CLN6: variants seen among roughly 807,000 people sequenced by gnomAD.
CLN6 encodes the protein ceroid-lipofuscinosis neuronal protein 6.
CLN6 carries 22 observed loss-of-function variants against 33.3 expected under a neutral mutation model. The observed-to-expected ratio is 0.66, with a 90% CI of 0.47 to 0.94. The LOEUF (loss-of-function observed/expected upper bound fraction) is 0.94. Ranked by LOEUF, CLN6 falls within the 40% of genes least tolerant of loss-of-function variation. The pLI is 0.00. For synonymous variants in CLN6, 201 were observed against 174.6 expected (o/e 1.15, Z -1.19); for missense variants, 387 against 417.1 (o/e 0.93, Z 0.63).
chr15:68,254,693 C>T, intron 1 of CLN6: 1 of 742,954 alleles, frequency 1.3e-6, no homozygotes, highest in South Asian at 1.4e-5. Flanking sequence ...GAAGGACAAA[C>T]CACAGAGAAG....
chr15:68,251,874 A>G (rs763044018), intron 1 of CLN6, among the ~76,000 whole-genome samples: 7 of 152,206 alleles, frequency 4.6e-5, no homozygotes, highest in Non-Finnish European at 8.8e-5. Flanking sequence ...TTAACTGCAA[A>G]AATGCAAAAC....
At chr15:68,223,089 C>T (rs927284580) in intron 1 of CLN6, among the ~76,000 whole-genome samples, 1 of 151,862 alleles carries the variant, frequency 6.6e-6, no homozygotes, top group Non-Finnish European at 1.5e-5. Context: ...CCTGCCACAT[C>T]CCCCTCTCTG....
chr15:68,243,275 G>C (rs554322155), intron 1 of CLN6, among the ~76,000 whole-genome samples: 1 of 152,250 alleles, frequency 6.6e-6, no homozygotes, highest in Admixed American at 6.5e-5. Context: ...TTTTTCCTTA[G>C]GTTAAAACAC....
At chr15:68,251,106 CAA>C (rs1362101232) in intron 1 of CLN6, among the ~76,000 whole-genome samples, 2 of 152,014 alleles carry the variant, frequency 1.3e-5, no homozygotes, top group Admixed American at 6.6e-5. Flanking sequence ...TGGATTTATC[CAA>C]AGAGTATAAG....
At chr15:68,255,667 T>C (rs1892427176) in intron 1 of CLN6, among the ~76,000 whole-genome samples, 1 of 152,240 alleles carries the variant, frequency 6.6e-6, no homozygotes. Context: ...TGAAATGCCA[T>C]GATTGTTTAT....
chr15:68,229,685 T>C lies in CLN6; in HGVS notation c.-101A>G, dbSNP rs555985698. 15 of 986,840 alleles carry C rather than the reference T, an allele frequency of 1.5e-5. No homozygotes were observed. The African/African-American group carries it at 1.7e-4, about 11-fold the overall frequency. The allele number at this position is 986,840 out of a possible 1,614,324, so 61.1% of individuals were successfully genotyped here. On this transcript the variant is annotated 5_prime_UTR_variant, in exon 1 of 7. Transcript: ENST00000249806. ...GCCGCAAATTCCCAGCGCGGGGCGG[T>C]TCGGGGCGGGCCGGCGAGAGCGCGC...
intron 1 of CLN6, among the ~76,000 whole-genome samples, chr15:68,224,161 G>A (rs1011992277): frequency 4.0e-5 from 6 of 149,740 alleles, no homozygotes; most frequent in African/African-American, 1.5e-4. Flanking sequence ...AGCTACTCAG[G>A]AGGCAGAAAC....
At chr15:68,213,462 G>C (rs1043736669) in intron 3 of CLN6, 2 of 151,790 alleles carry the variant, frequency 1.3e-5, no homozygotes, top group African/African-American at 2.4e-5. Context: ...GGCTGGTCTC[G>C]AACTCCTGAC....
chr15:68,248,222 T>A (rs1029390176), intron 1 of CLN6: 1 of 151,366 alleles, frequency 6.6e-6, no homozygotes. Context: ...GTGCCAAGAA[T>A]ATACAATGGG....
chr15:68,237,901 G>T lies in CLN6; in HGVS notation c.179+18789C>A, dbSNP rs541629954. ...GCACTTTGGGCGGCCGAGGCGGGGG[G>T]ATCACAAGGTCAGGAGTTCGAGACC... On this transcript the variant is annotated intron_variant, in intron 1 of 6. Coordinates refer to the CLN6 transcript ENST00000538696. 2.4e-4 allele frequency among the ~76,000 whole-genome samples: 36 copies of T among 152,188 alleles called. No homozygotes were observed. The East Asian group carries it at 7.0e-3, about 30-fold the overall frequency.
At chr15:68,229,744 CGGGGCGGGGCGGAGCGGAG>C, upstream of CLN6, 5 of 349,044 alleles carry the variant, frequency 1.4e-5, no homozygotes, top group Non-Finnish European at 2.3e-5. Context: ...GCTGCGGACC[CGGGGCGGGGCGGAGCGGAG>C]CGGAGCGGAG....
intron 1 of CLN6, among the ~76,000 whole-genome samples, chr15:68,249,069 T>A (rs1226966399): frequency 7.9e-5 from 12 of 152,210 alleles, no homozygotes; most frequent in Admixed American, 7.9e-4. Flanking sequence ...AGGTATTTTT[T>A]AAAATGCTCA....
chr15:68,251,322 G>A (rs1295677272), intron 1 of CLN6, among the ~76,000 whole-genome samples: 2 of 152,116 alleles, frequency 1.3e-5, no homozygotes, highest in Non-Finnish European at 2.9e-5. Flanking sequence ...TTTTTAAAAA[G>A]CCTATAATCT....
rs867310047 is a variant in CLN6, at chr15:68,236,975, G to A, written c.180-18325C>T. On this transcript the variant is annotated intron_variant, in intron 1 of 6. Coordinates refer to the CLN6 transcript ENST00000538696. The surrounding 1 kb of genome is among the most constrained non-coding windows in gnomAD (Gnocchi z 4.5). Reference sequence around the variant, plus strand: ...GATCGAGACCATCCTGGCTAACAAGGTGAAACCCCGTCTCTACTAAAAATA... The same window carrying A: ...GATCGAGACCATCCTGGCTAACAAGATGAAACCCCGTCTCTACTAAAAATA... Among the ~76,000 whole-genome samples, 1 of 150,610 alleles carries A rather than the reference G, an allele frequency of 6.6e-6. No homozygotes were observed. Among genetic ancestry groups the A allele is most frequent in the African/African-American group, 2.4e-5 (1 of 40,834 alleles).
At position 68,209,638 on chromosome 15, in the gene CLN6, A is replaced by G. The variant is rs1251507101; in HGVS notation, c.664T>C (p.Trp222Arg). 1 of 1,612,602 alleles carries G rather than the reference A, an allele frequency of 6.2e-7. No homozygotes were observed. Among genetic ancestry groups the G allele is most frequent in the Admixed American group, 1.7e-5 (1 of 60,020 alleles). The change falls in exon 6 of 7, where the codon TGG becomes CGG. Residue 222 changes from tryptophan to arginine, a missense_variant and splice_region_variant. By Grantham distance (101) the Trp-to-Arg change is moderately radical. Coordinates refer to ENST00000249806, the MANE Select transcript of CLN6 (RefSeq NM_017882.3). The surrounding 1 kb of genome is among the most constrained non-coding windows in gnomAD (Gnocchi z 4.9). ...GCCCCCATGCTGATGTCCACTCACC[A>G]GTAGTACAGGCCACTGGGTGCCACC... ...LLVAPSGLYY[W>R]YLVTEGQIFI...
Position 68,256,861 on chromosome 15 carries a change from G to A in CLN6, c.8C>T (p.Ala3Val). The A allele has an allele frequency of 1.4e-6, 1 of 690,912 alleles. No homozygotes were observed. Among genetic ancestry groups the A allele is most frequent in the Non-Finnish European group, 2.6e-6 (1 of 379,336 alleles). The allele number at this position is 690,912 out of a possible 1,614,324, so 42.8% of individuals were successfully genotyped here. A position where few individuals can be genotyped will look rare whatever the true frequency, so the allele number is the denominator to read the frequency against. ...CGCTCGCCGCTCCTTCCCGGCAACG[G>A]CTGCCATTTTCCGCCCAGGCAAGGT... Residue 3 changes from alanine (A) to valine (V), a missense_variant, in exon 1 of 7, where the codon GCC (alanine) becomes GTC (valine). By Grantham distance (64) the Ala-to-Val change is moderately conservative. Transcript: ENST00000538696. The surrounding 1 kb of genome is among the most constrained non-coding windows in gnomAD (Gnocchi z 4.1).
chr15:68,229,348 G>T (rs1400623866), intron 1 of CLN6, among the ~76,000 whole-genome samples, 154 bp downstream of exon 1: 1 of 152,196 alleles, frequency 6.6e-6, no homozygotes, highest in Non-Finnish European at 1.5e-5. Flanking sequence ...CGCCGCCACG[G>T]TAGCGCGCCT....
At position 68,220,016 on chromosome 15, in the gene CLN6, G is replaced by T. The variant is rs1394821675; in HGVS notation, c.84-1366C>A. Among the ~76,000 whole-genome samples the T allele has an allele frequency of 6.6e-6, 1 of 152,212 alleles. No individual in the cohort carries two copies. The highest frequency in any genetic ancestry group is 2.4e-5 in the African/African-American group (1 of 41,456). On this transcript the variant is annotated intron_variant, in intron 1 of 6. Coordinates refer to ENST00000249806, the MANE Select transcript of CLN6 (RefSeq NM_017882.3). This position sits in a 1 kb window ranked among gnomAD's most constrained non-coding sequence, Gnocchi z 4.2. ...TTAGCTTAGAGGCACTGCAAAGACT[G>T]TCTTCTGTCGATACTGCTGTTGCTT... is the stretch of plus-strand genomic sequence containing the variant.
intron 3 of CLN6, chr15:68,212,250 G>C (rs989948141): frequency 2.6e-5 from 6 of 229,936 alleles, no homozygotes; most frequent in Admixed American, 1.5e-4. Context: ...CCTGCTGAAG[G>C]CACCTTCTGA....
Sources: allele counts gnomAD v4.1 joint callset (sites outside exome capture counted in the v4.1 genomes callset), GRCh38; gene constraint gnomAD v4.1.1; non-coding constraint Gnocchi (gnomAD v3.1); transcripts MANE v1.5; gene names NCBI Gene and HGNC (gene_info 2026-07-23, HGNC 2026-07-21).